Variants in ITGA6 observed in about 807,000 individuals in gnomAD.
ITGA6 encodes integrin subunit alpha 6, also known as integrin alpha-6.
Under a neutral mutation model 133.6 loss-of-function variants are expected in ITGA6, and 63 were observed. The observed-to-expected ratio is 0.47, with a 90% CI of 0.38 to 0.58. The LOEUF is 0.58. ITGA6 is among the 20% of genes least tolerant of loss of function. ITGA6 has a pLI of 0.00. For missense variants in ITGA6, 1,068 were observed against 1,309.4 expected (o/e 0.82, Z 2.85); for synonymous variants, 434 against 482.0 (o/e 0.90, Z 1.30).
chr2:172,485,004 T>A, intron 12 of ITGA6, 62 bp downstream of exon 12: 1 of 1,594,976 alleles, frequency 6.3e-7, no homozygotes, highest in Non-Finnish European at 8.6e-7. Context: ...TATATGGTGA[T>A]ATACAGATTT....
At chr2:172,483,177 G>A (rs1370524517) in intron 11 of ITGA6, among the ~76,000 whole-genome samples, 3 of 152,274 alleles carry the variant, frequency 2.0e-5, no homozygotes, top group South Asian at 2.1e-4. Flanking sequence ...GCTTAGCCAA[G>A]CAGGCCAACA....
At chr2:172,433,068 AC>A (rs1226550382) in intron 1 of ITGA6, among the ~76,000 whole-genome samples, 1 of 151,916 alleles carries the variant, frequency 6.6e-6, no homozygotes, top group Admixed American at 6.6e-5. Flanking sequence ...TCTGTGTAGC[AC>A]CCCCGCTGGC....
intron 11 of ITGA6, among the ~76,000 whole-genome samples, chr2:172,482,697 T>G (rs73046927): frequency 0.011 from 1,635 of 152,294 alleles, 39 homozygotes; most frequent in African/African-American, 0.036. Context: ...GCAGGTCACT[T>G]ATAAATGGAT....
chr2:172,480,062 A>C lies in ITGA6; in HGVS notation c.1549+11A>C. 6.9e-7 allele frequency: 1 copy of C among 1,446,936 alleles called. No individual in the cohort carries two copies. Among genetic ancestry groups the C allele is most frequent in the Non-Finnish European group, 9.7e-7 (1 of 1,027,790 alleles). 89.6% of individuals were successfully genotyped at this position (1,446,936 alleles called of 1,614,324 possible). On this transcript the variant is annotated intron_variant, in intron 11 of 25. Coordinates refer to ENST00000684293, the MANE Select transcript of ITGA6 (RefSeq NM_000210.4). ...ATAATCCTTCAATATGTAAGTACCT[A>C]GTACCTTTAAAATATGTCTACTTTC...
intron 1 of ITGA6, 146 bp downstream of exon 1, chr2:172,428,116 C>G: frequency 1.5e-6 from 1 of 673,800 alleles, no homozygotes; most frequent in Non-Finnish European, 2.1e-6. Flanking sequence ...CAGCGCCCAG[C>G]GCGCTCGGCT....
intron 1 of ITGA6, among the ~76,000 whole-genome samples, chr2:172,460,065 A>G (rs998005379): frequency 2.0e-4 from 31 of 152,226 alleles, no homozygotes; most frequent in Non-Finnish European, 2.4e-4. Context: ...GAATGTAAGA[A>G]TAGCAAGTCT....
At chr2:172,459,478 T>C (rs1685342438) in intron 1 of ITGA6, among the ~76,000 whole-genome samples, 1 of 152,132 alleles carries the variant, frequency 6.6e-6, no homozygotes, top group South Asian at 2.1e-4. Context: ...CACTCCAGCC[T>C]GGGCAACAGA....
intron 1 of ITGA6, among the ~76,000 whole-genome samples, chr2:172,428,846 A>G (rs1683991788): frequency 6.6e-6 from 1 of 152,246 alleles, no homozygotes; most frequent in African/African-American, 2.4e-5. Context: ...TATTTCTTAA[A>G]CAGTGTTTGG....
intron 16 of ITGA6, 47 bp from the exon 17 acceptor site, chr2:172,487,681 G>A: frequency 1.3e-6 from 2 of 1,589,590 alleles, no homozygotes; most frequent in Non-Finnish European, 1.7e-6. Context: ...TACCATTGCA[G>A]TGTCTGTATG....
At chr2:172,463,841 G>GC (rs144953138) in intron 1 of ITGA6, among the ~76,000 whole-genome samples, 3,199 of 152,208 alleles carry the variant, frequency 0.021, 105 homozygotes, top group African/African-American at 0.072. Context: ...TATAGTCTAG[G>GC]CAGTTCACCT....
At chr2:172,503,582 A>C (rs1687436660) in intron 25 of ITGA6, 1 of 152,332 alleles carries the variant, frequency 6.6e-6, no homozygotes, top group African/African-American at 2.4e-5. Flanking sequence ...CTAGAGCCTC[A>C]GAGGAGAGAA....
In ITGA6 at chr2:172,472,295, G is replaced by A. The variant is rs577635177; in HGVS notation, c.775+1190G>A. 1.6e-3 allele frequency among the ~76,000 whole-genome samples: 239 copies of A among 152,248 alleles called. 1 individual carries two copies. Among genetic ancestry groups the A allele is most frequent in the Non-Finnish European group, 9.0e-4 (61 of 68,042 alleles). On this transcript the variant is annotated intron_variant, in intron 5 of 25. Transcript: ENST00000684293. ...GCTGTGATTGCAGCACTGCCCTCCA[G>A]TCTGGGCAACAGAGCAGGACCTTAC...
In ITGA6 at chr2:172,474,243, G is replaced by A. The variant is rs1294513379; in HGVS notation, c.964G>A (p.Val322Met). The change falls in exon 6 of 26, where the codon GTG becomes ATG. Residue 322 changes from valine (V) to methionine (M), a missense_variant. By Grantham distance (21) the Val-to-Met change is conservative (BLOSUM62 1). Coordinates refer to ENST00000684293, the MANE Select transcript of ITGA6 (RefSeq NM_000210.4). Reference protein sequence around the residue: ...LASSFGYDVAVVDLNKDGWQD... With the variant: ...LASSFGYDVAMVDLNKDGWQD... Reference sequence around the variant, plus strand: ...CTCTTCATTTGGCTATGATGTGGCGGTGGTGGACCTCAACAAGGATGGGTG... The same window carrying A: ...CTCTTCATTTGGCTATGATGTGGCGATGGTGGACCTCAACAAGGATGGGTG... 6.2e-7 allele frequency: 1 copy of A among 1,614,048 alleles called. No homozygotes were observed. Among genetic ancestry groups the A allele is most frequent in the Admixed American group, 1.7e-5 (1 of 60,024 alleles).
chr2:172,492,796 GTTC>G (rs1225468180), intron 23 of ITGA6, among the ~76,000 whole-genome samples: 2 of 152,226 alleles, frequency 1.3e-5, no homozygotes, highest in Non-Finnish European at 2.9e-5. Flanking sequence ...TTATGGAAAT[GTTC>G]TGGCTTCAGT....
intron 20 of ITGA6, 177 bp from the exon 21 acceptor site, chr2:172,490,847 T>C (rs1487608212): frequency 1.7e-6 from 1 of 583,600 alleles, no homozygotes; most frequent in Non-Finnish European, 3.1e-6. Flanking sequence ...TAAACTTGAA[T>C]TTAGAGTGAT....
intron 1 of ITGA6, among the ~76,000 whole-genome samples, chr2:172,462,032 C>T (rs1244695274): frequency 2.0e-5 from 3 of 152,200 alleles, no homozygotes; most frequent in Non-Finnish European, 4.4e-5. Context: ...GAATTAAGAG[C>T]CTTTGCTTGT....
In ITGA6 at chr2:172,467,712, C is replaced by T. The variant is rs191081889; in HGVS notation, c.387+152C>T. ...GATGTCAAAAAGAAATCAGACTGGG[C>T]GTGGTGGCTCATGCCTGTAATCTCA... is the stretch of plus-strand genomic sequence containing the variant. On this transcript the variant is annotated intron_variant, in intron 3 of 25. Transcript: ENST00000684293. The T allele has an allele frequency of 2.9e-4, 198 of 679,366 alleles. 1 individual carries two copies. Among genetic ancestry groups the T allele is most frequent in the African/African-American group, 2.8e-3 (159 of 56,594 alleles). 42.1% of individuals were successfully genotyped at this position (679,366 alleles called of 1,614,324 possible).
chr2:172,452,057 A>G (rs1574339137), intron 1 of ITGA6, among the ~76,000 whole-genome samples: 1 of 148,734 alleles, frequency 6.7e-6, no homozygotes, highest in East Asian at 1.9e-4. Context: ...TTGACATTTT[A>G]GGGATTTCTT....
Position 172,427,646 on chromosome 2 carries a change from G to C in ITGA6, c.-143G>C. 7.7e-7 allele frequency: 1 copy of C among 1,300,366 alleles called. No homozygotes were observed. Among genetic ancestry groups the C allele is most frequent in the African/African-American group, 1.6e-5 (1 of 64,130 alleles). 80.6% of individuals were successfully genotyped at this position (1,300,366 alleles called of 1,614,324 possible). A position where few individuals can be genotyped will look rare whatever the true frequency, so the allele number is the denominator to read the frequency against. On this transcript the variant is annotated 5_prime_UTR_variant, in exon 1 of 26. Transcript: ENST00000684293. ...GGGGGAGCGGCCGGACGGAGAGCGC[G>C]ACCCGTCCCGGGGGTGGGGCCGGGC...
Sources: gnomAD v4.1 joint callset for allele counts (sites outside exome capture counted in the v4.1 genomes callset) on GRCh38, gnomAD v4.1.1 for gene constraint, MANE v1.5 for transcripts, NCBI Gene and HGNC (gene_info 2026-07-23, HGNC 2026-07-21) for gene names.